FGF10: variants seen among roughly 807,000 people sequenced by gnomAD.
The protein encoded by FGF10 is fibroblast growth factor 10, also known as FGF-10.
Under a neutral mutation model 19.8 loss-of-function variants are expected in FGF10, and 2 were observed. That is an observed-to-expected ratio of 0.10 (90% confidence interval 0.04 to 0.32). The LOEUF (loss-of-function observed/expected upper bound fraction) is 0.32. Among genes scored for constraint, FGF10 ranks in the 10% least tolerant of loss-of-function variants. The probability of loss-of-function intolerance (pLI) is 1.00; values close to 1 mark genes in which losing one functional copy is unlikely to be tolerated. For missense variants in FGF10, 191 were observed against 246.3 expected, an observed-to-expected ratio of 0.78 and a Z score of 1.50; for synonymous variants, 112 against 94.0, an observed-to-expected ratio of 1.19 and a Z score of -1.10.
chr5:44,326,066 C>A (rs1013039052), intron 1 of FGF10, among the ~76,000 whole-genome samples: 4 of 151,836 alleles, frequency 2.6e-5, no homozygotes, highest in Non-Finnish European at 5.9e-5. Context: ...AAAACTTAAC[C>A]AAAACAGAAA....
rs1419450614 is a variant in FGF10 at position 44,304,314 on chromosome 5, C to T, written c.*681G>A. 1 of 152,176 alleles carries T rather than the reference C, an allele frequency of 6.6e-6. No homozygotes were observed. The highest frequency in any genetic ancestry group is 1.5e-5 in the Non-Finnish European group (1 of 68,112). 9.4% of individuals were successfully genotyped at this position (152,176 alleles called of 1,614,324 possible). On this transcript the variant is annotated 3_prime_UTR_variant, in exon 3 of 3. Transcript: ENST00000264664. The stretch of plus-strand genomic sequence containing the variant: ...GAAAAGATAAATCAGAAGACAGCTG[C>T]TGAGATACTCTTTAAAACCCCAAAA...
At chr5:44,336,494 TC>T (rs1740855591) in intron 1 of FGF10, among the ~76,000 whole-genome samples, 1 of 152,130 alleles carries the variant, frequency 6.6e-6, no homozygotes, top group African/African-American at 2.4e-5. Context: ...TCACTTCATT[TC>T]CCCACACCCT....
At chr5:44,314,729 G>A (rs1338297266) in intron 1 of FGF10, among the ~76,000 whole-genome samples, 1 of 152,098 alleles carries the variant, frequency 6.6e-6, no homozygotes, top group Non-Finnish European at 1.5e-5. Context: ...CCCAGCTGCT[G>A]CTTCTCATTC....
chr5:44,316,083 T>A (rs1740342255), intron 1 of FGF10, among the ~76,000 whole-genome samples: 2 of 152,116 alleles, frequency 1.3e-5, no homozygotes, highest in African/African-American at 4.8e-5. Flanking sequence ...TCTTATCAGA[T>A]CAGTGGCAGC....
chr5:44,311,998 C>A (rs1189258695), intron 1 of FGF10, among the ~76,000 whole-genome samples: 2 of 151,948 alleles, frequency 1.3e-5, no homozygotes, highest in Non-Finnish European at 2.9e-5. Flanking sequence ...GAGACTTTGC[C>A]AAGACTACAT....
chr5:44,318,016 G>A (rs539648415), intron 1 of FGF10, among the ~76,000 whole-genome samples: 13 of 152,182 alleles, frequency 8.5e-5, no homozygotes, highest in Non-Finnish European at 1.8e-4. Context: ...ATCTAGAAAA[G>A]CTTGTGTTCC....
intron 1 of FGF10, among the ~76,000 whole-genome samples, chr5:44,375,861 T>C (rs1224550672): frequency 6.6e-6 from 1 of 152,198 alleles, no homozygotes; most frequent in African/African-American, 2.4e-5. Flanking sequence ...GTTAACTCTA[T>C]AATGTCAGTC....
intron 1 of FGF10, among the ~76,000 whole-genome samples, chr5:44,350,796 C>T (rs1345261061): frequency 6.6e-6 from 1 of 150,662 alleles, no homozygotes. Flanking sequence ...TACTATGGCT[C>T]ATTCTTGGTT....
intron 1 of FGF10, among the ~76,000 whole-genome samples, chr5:44,345,432 A>G (rs542522180): frequency 6.6e-6 from 1 of 151,942 alleles, no homozygotes; most frequent in East Asian, 1.9e-4. Context: ...TCTTAACCAA[A>G]GTGAATGACC....
At chr5:44,340,303 C>A (rs1448180794) in intron 1 of FGF10, among the ~76,000 whole-genome samples, 1 of 151,988 alleles carries the variant, frequency 6.6e-6, no homozygotes, top group Non-Finnish European at 1.5e-5. Flanking sequence ...TCAAGAATTG[C>A]CCAAAAGTTA....
Position 44,337,768 on chromosome 5 carries a change from C to T in FGF10, c.326-27238G>A, listed in dbSNP as rs933756666. On this transcript the variant is annotated intron_variant, in intron 1 of 2. Coordinates refer to ENST00000264664, the MANE Select transcript of FGF10 (RefSeq NM_004465.2). ...CATCCTGGCTAACACAGTGAAAACC[C>T]GTCTCTACTAAAAATACAAAAAATT... Among the ~76,000 whole-genome samples, 13 of 152,056 alleles carry T rather than the reference C, an allele frequency of 8.5e-5. No homozygotes were observed. The East Asian group carries it at 1.4e-3, about 16-fold the overall frequency.
intron 1 of FGF10, among the ~76,000 whole-genome samples, chr5:44,323,696 G>A (rs1187404613): frequency 1.3e-5 from 2 of 152,140 alleles, no homozygotes; most frequent in Non-Finnish European, 2.9e-5. Context: ...AATTCCTAGA[G>A]AGGATGAGTG....
At chr5:44,384,797 T>C (rs1742061914) in intron 1 of FGF10, among the ~76,000 whole-genome samples, 1 of 152,176 alleles carries the variant, frequency 6.6e-6, no homozygotes, top group Non-Finnish European at 1.5e-5. Context: ...GATTTCTCTA[T>C]TGCCTCCCAT....
chr5:44,317,482 T>C (rs1363046558), intron 1 of FGF10, among the ~76,000 whole-genome samples: 2 of 152,292 alleles, frequency 1.3e-5, no homozygotes, highest in South Asian at 2.1e-4. Context: ...CATTCAGCCA[T>C]TGTCATTGAT....
At chr5:44,318,653 G>A (rs1163214247) in intron 1 of FGF10, among the ~76,000 whole-genome samples, 1 of 152,040 alleles carries the variant, frequency 6.6e-6, no homozygotes, top group Non-Finnish European at 1.5e-5. Flanking sequence ...TATCACTTCT[G>A]GGAAAATATA....
In FGF10 at chr5:44,388,964, G is replaced by T; in HGVS notation, c.-282C>A. The T allele has an allele frequency of 1.8e-6, 1 of 550,536 alleles. No homozygotes were observed. The highest frequency in any genetic ancestry group is 3.2e-5 in the East Asian group (1 of 31,474). The allele number at this position is 550,536 out of a possible 1,614,324, so 34.1% of individuals were successfully genotyped here. A position where few individuals can be genotyped will look rare whatever the true frequency, so the allele number is the denominator to read the frequency against. ...AGCAGCAGGAGCTGGTGGTGGCGTTGGTGGTGTTGGTCACCAGCGCTCTTC... is the reference window on the plus strand; with the variant it reads ...AGCAGCAGGAGCTGGTGGTGGCGTTTGTGGTGTTGGTCACCAGCGCTCTTC... On this transcript the variant is annotated 5_prime_UTR_variant, in exon 1 of 3. Transcript: ENST00000264664.
intron 1 of FGF10, among the ~76,000 whole-genome samples, chr5:44,378,281 A>G (rs1185733385): frequency 6.6e-6 from 1 of 152,200 alleles, no homozygotes; most frequent in Non-Finnish European, 1.5e-5. Context: ...TTGGCACTCA[A>G]AAAGTTTTGG....
At chr5:44,315,180 T>C (rs1449863216) in intron 1 of FGF10, among the ~76,000 whole-genome samples, 1 of 22,008 alleles carries the variant, frequency 4.5e-5, no homozygotes, top group Non-Finnish European at 9.1e-5. Context: ...GTAATGACAA[T>C]ACAAAAAAAA....
intron 1 of FGF10, among the ~76,000 whole-genome samples, chr5:44,364,424 A>T (rs1741560866): frequency 6.6e-6 from 1 of 151,820 alleles, no homozygotes; most frequent in Non-Finnish European, 1.5e-5. Context: ...TCCTCAGCCT[A>T]CAACAGTTTT....
Sources: allele counts gnomAD v4.1 joint callset (sites outside exome capture counted in the v4.1 genomes callset), GRCh38; gene constraint gnomAD v4.1.1; transcripts MANE v1.5; gene names NCBI Gene and HGNC (gene_info 2026-07-23, HGNC 2026-07-21).